The following ZBTB20 variants were observed in gnomAD, a reference collection of about 807,000 sequenced individuals.
ZBTB20 encodes zinc finger and BTB domain-containing protein 20.
ZBTB20 carries 9 observed loss-of-function variants against 56.9 expected under a neutral mutation model. The observed-to-expected ratio is 0.16, with a 90% CI of 0.10 to 0.28. The LOEUF (loss-of-function observed/expected upper bound fraction) is 0.28, where lower values mean the gene tolerates loss of function less well. Among genes scored for constraint, ZBTB20 ranks in the 10% least tolerant of loss-of-function variants. ZBTB20 has a pLI of 1.00. For synonymous variants in ZBTB20, 417 were observed against 420.7 expected (o/e 0.99, Z 0.11); for missense variants, 655 against 1,003.0 (o/e 0.65, Z 4.69).
At chr3:114,589,188 C>A (rs954527804) in intron 6 of ZBTB20, among the ~76,000 whole-genome samples, 1 of 152,116 alleles carries the variant, frequency 6.6e-6, no homozygotes, top group Non-Finnish European at 1.5e-5. Context: ...TTTCTAAAAT[C>A]CCCCCAGTGC....
chr3:114,529,323 C>G (rs2047576015), intron 6 of ZBTB20: 1 of 152,162 alleles, frequency 6.6e-6, no homozygotes, highest in Admixed American at 6.5e-5. Flanking sequence ...TACTGAAGAG[C>G]CTCTGTCAAC....
chr3:114,694,993 C>T (rs2108335633), intron 5 of ZBTB20, among the ~76,000 whole-genome samples: 1 of 152,200 alleles, frequency 6.6e-6, no homozygotes, highest in East Asian at 1.9e-4. Flanking sequence ...CATCAGCAGT[C>T]TGCAGGGTTG....
At chr3:114,964,016 T>TA (rs1261328248) in intron 3 of ZBTB20, among the ~76,000 whole-genome samples, 3 of 152,306 alleles carry the variant, frequency 2.0e-5, no homozygotes, top group South Asian at 4.1e-4. Context: ...ATCAATTTAG[T>TA]AAACATTTAT....
At chr3:114,588,238 G>A (rs1246507377) in intron 6 of ZBTB20, among the ~76,000 whole-genome samples, 4 of 152,104 alleles carry the variant, frequency 2.6e-5, no homozygotes, top group Non-Finnish European at 4.4e-5. Context: ...TCCTTTGTTC[G>A]GTCTTCTGCT....
At chr3:115,020,947 G>A (rs1412260408) in intron 2 of ZBTB20, among the ~76,000 whole-genome samples, 1 of 150,892 alleles carries the variant, frequency 6.6e-6, no homozygotes, top group African/African-American at 2.4e-5. Context: ...AACTTTGTAC[G>A]ATCGAATGTC....
chr3:114,916,871 C>A (rs188554514), intron 3 of ZBTB20, among the ~76,000 whole-genome samples: 1 of 152,240 alleles, frequency 6.6e-6, no homozygotes, highest in Non-Finnish European at 1.5e-5. Context: ...AGATAGTCTT[C>A]TTTAGGTTAA....
At chr3:114,738,795 C>T (rs549795480) in intron 5 of ZBTB20, among the ~76,000 whole-genome samples, 3 of 152,140 alleles carry the variant, frequency 2.0e-5, no homozygotes, top group African/African-American at 7.2e-5. Context: ...AACAGGCAAA[C>T]GTAATAGGAA....
intron 1 of ZBTB20, among the ~76,000 whole-genome samples, chr3:115,083,585 A>G (rs2082874303): frequency 6.6e-6 from 1 of 152,096 alleles, no homozygotes; most frequent in South Asian, 2.1e-4. Context: ...TGACTACAAA[A>G]TAAATATAGA....
At chr3:114,934,906 T>C (rs2076480942) in intron 3 of ZBTB20, among the ~76,000 whole-genome samples, 1 of 152,228 alleles carries the variant, frequency 6.6e-6, no homozygotes, top group Admixed American at 6.5e-5. Context: ...TAAAAATGCA[T>C]ACAGTACTTG....
At chr3:114,484,270 C>T (rs1048645677) in intron 7 of ZBTB20, among the ~76,000 whole-genome samples, 5 of 152,162 alleles carry the variant, frequency 3.3e-5, no homozygotes, top group African/African-American at 9.7e-5. Context: ...TTGATCAACA[C>T]TGTCGGATTT....
intron 5 of ZBTB20, among the ~76,000 whole-genome samples, chr3:114,734,730 G>T (rs2066011034): frequency 6.6e-6 from 1 of 152,132 alleles, no homozygotes; most frequent in South Asian, 2.1e-4. Context: ...ATACATTTAA[G>T]AAAGATTAAT....
chr3:114,899,299 T>G (rs568452428), intron 4 of ZBTB20, among the ~76,000 whole-genome samples: 47 of 152,266 alleles, frequency 3.1e-4, no homozygotes, highest in African/African-American at 1.1e-3. Context: ...ATATGCCCCA[T>G]GTGTCCACTA....
intron 4 of ZBTB20, among the ~76,000 whole-genome samples, chr3:114,832,646 A>G (rs1441406987): frequency 6.6e-6 from 1 of 152,134 alleles, no homozygotes. Flanking sequence ...TATATTTTCT[A>G]TTTCTAAAAT....
At chr3:114,803,999 T>C (rs536431255) in intron 4 of ZBTB20, among the ~76,000 whole-genome samples, 20 of 152,078 alleles carry the variant, frequency 1.3e-4, no homozygotes, top group Admixed American at 3.3e-4. Flanking sequence ...TAAGGCTTTA[T>C]AGATTACAGT....
At chr3:115,141,575 T>C (rs756801000) in intron 1 of ZBTB20, among the ~76,000 whole-genome samples, 1 of 152,228 alleles carries the variant, frequency 6.6e-6, no homozygotes. Flanking sequence ...CTTGAATAGT[T>C]TGTTCATAAA....
In ZBTB20 at chr3:114,330,599, T is replaced by G. The variant is rs985577606; in HGVS notation, c.*8406A>C. The stretch of plus-strand genomic sequence containing the variant: ...ATACCTATGGTTACAGTTACAGACT[T>G]CTTTTGGATATAGAAAGACAATATA... On this transcript the variant is annotated 3_prime_UTR_variant, in exon 12 of 12. Transcript: ENST00000675478. The G allele has an allele frequency of 9.9e-5, 15 of 152,190 alleles. No individual in the cohort carries two copies. Among genetic ancestry groups the G allele is most frequent in the African/African-American group, 3.6e-4 (15 of 41,442 alleles). 9.4% of individuals were successfully genotyped at this position (152,190 alleles called of 1,614,324 possible).
intron 2 of ZBTB20, among the ~76,000 whole-genome samples, chr3:115,025,654 G>GA (rs942203495): frequency 6.6e-6 from 1 of 150,464 alleles, no homozygotes; most frequent in Admixed American, 6.7e-5. Flanking sequence ...ATGTCTTTAG[G>GA]AAAAAAATTA....
chr3:114,952,102 A>G (rs1227972381), intron 3 of ZBTB20, among the ~76,000 whole-genome samples: 1 of 152,098 alleles, frequency 6.6e-6, no homozygotes, highest in South Asian at 2.1e-4. Context: ...TCATGTCATT[A>G]TATTAACAGA....
At chr3:114,639,848 C>A (rs1234109374) in intron 6 of ZBTB20, among the ~76,000 whole-genome samples, 2 of 151,904 alleles carry the variant, frequency 1.3e-5, no homozygotes, top group Non-Finnish European at 2.9e-5. Flanking sequence ...TGGAAGATAG[C>A]AAGACACATG....
Sources: allele counts gnomAD v4.1 joint callset (sites outside exome capture counted in the v4.1 genomes callset), GRCh38; gene constraint gnomAD v4.1.1; transcripts MANE v1.5; gene names NCBI Gene and HGNC (gene_info 2026-07-23, HGNC 2026-07-21).